Variants in ECHDC2 observed in about 807,000 individuals in gnomAD.
ECHDC2 encodes the protein enoyl-CoA hydratase domain-containing protein 2, mitochondrial.
In ECHDC2, 34 loss-of-function variants were observed where a neutral mutation model predicts 40.6. The ratio of observed to expected loss-of-function variants is 0.84; its 90% CI spans 0.64 to 1.11. ECHDC2 has a LOEUF of 1.11. Among genes scored for constraint, ECHDC2 ranks in the 50% most tolerant of loss-of-function variants. The pLI is 0.00. For missense variants in ECHDC2, 392 were observed against 400.7 expected, an observed-to-expected ratio of 0.98 and a Z score of 0.19; for synonymous variants, 162 against 166.6, an observed-to-expected ratio of 0.97 and a Z score of 0.21.
At chr1:52,907,804 T>G (rs1571953514) in intron 4 of ECHDC2, 64 bp downstream of exon 4, 1 of 1,361,590 alleles carries the variant, frequency 7.3e-7, no homozygotes, top group Non-Finnish European at 1.0e-6. Flanking sequence ...CTGGTGGGGG[T>G]AGCGGGACTG....
chr1:52,898,315 G>A (rs926636587), intron 8 of ECHDC2: 1 of 152,516 alleles, frequency 6.6e-6, no homozygotes, highest in Middle Eastern at 3.4e-3. Context: ...CCGCCTCCTG[G>A]GTTCAAGCGA....
At chr1:52,916,998 T>G (rs1419755052) in intron 1 of ECHDC2, among the ~76,000 whole-genome samples, 1 of 151,234 alleles carries the variant, frequency 6.6e-6, no homozygotes, top group South Asian at 2.1e-4. Context: ...CCGAGGCGGG[T>G]GGATCACCTG....
chr1:52,911,873 C>A, intron 1 of ECHDC2, 83 bp from the exon 2 acceptor site: 1 of 1,568,268 alleles, frequency 6.4e-7, no homozygotes, highest in Non-Finnish European at 8.6e-7. Flanking sequence ...AGGCAGGAGG[C>A]CTGGGATCTG....
chr1:52,911,084 C>A (rs976951499), intron 3 of ECHDC2, among the ~76,000 whole-genome samples: 1 of 152,170 alleles, frequency 6.6e-6, no homozygotes, highest in Admixed American at 6.5e-5. Flanking sequence ...TCAAGCAATT[C>A]TCCTGCCTCA....
Position 52,904,668 on chromosome 1 carries a change from A to G in ECHDC2, c.680T>C (p.Leu227Pro), listed in dbSNP as rs149630672. The G allele has an allele frequency of 4.6e-4, 746 of 1,605,736 alleles. 1 individual carries two copies. Among genetic ancestry groups the G allele is most frequent in the Non-Finnish European group, 5.8e-4 (679 of 1,176,458 alleles). Residue 227 changes from leucine (L) to proline (P), a missense_variant, in exon 7 of 10, where the codon CTG becomes CCG. Transcript: ENST00000371522. ...GDAAYQRARALAQEILPQAPI... is the reference protein window; with the variant it reads ...GDAAYQRARAPAQEILPQAPI... Reference sequence around the variant, plus strand: ...CACCTGGGGCAGGATCTCCTGGGCCAGTGCTCGTGCCCGCTGGTAGGCGGC... The same window carrying G: ...CACCTGGGGCAGGATCTCCTGGGCCGGTGCTCGTGCCCGCTGGTAGGCGGC...
chr1:52,907,898 G>A lies in ECHDC2; in HGVS notation c.334C>T (p.Gln112Ter). 1.9e-6 allele frequency: 3 copies of A among 1,613,876 alleles called. No individual in the cohort carries two copies. The highest frequency in any genetic ancestry group is 2.5e-6 in the Non-Finnish European group (3 of 1,179,974). The change falls in exon 4 of 10, where the codon CAG (glutamine) becomes TAG (stop). Residue 112 changes from glutamine to a stop codon, truncating the protein, a stop_gained. Coordinates refer to ENST00000371522, the MANE Select transcript of ECHDC2 (RefSeq NM_001198961.2). LOFTEE classifies it high-confidence loss of function. ...TCATTCATCAGGCCCCGGAGTCGCT[G>A]GACAAACACCCCCACCTCTGCTTCA... ...MSEAEVGVFV[Q>*]RLRGLMNDIA... is the part of the protein sequence containing the mutation.
intron 6 of ECHDC2, 64 bp from the exon 7 acceptor site, chr1:52,904,897 G>C: frequency 3.1e-6 from 5 of 1,596,340 alleles, no homozygotes; most frequent in Non-Finnish European, 2.6e-6. Context: ...AGAAGGCTCA[G>C]CCTGGGACTC....
Position 52,911,547 on chromosome 1 carries a change from G to A in ECHDC2, c.277+19C>T. ...GGGCACCCTGCAGAGCACAGATGGGGGCAGGAGAGAGAACCTACCTGCACA... is the reference window on the plus strand; with the variant it reads ...GGGCACCCTGCAGAGCACAGATGGGAGCAGGAGAGAGAACCTACCTGCACA... On this transcript the variant is annotated intron_variant, in intron 3 of 9. Transcript: ENST00000371522. 6.2e-7 allele frequency: 1 copy of A among 1,609,094 alleles called. No homozygotes were observed. Among genetic ancestry groups the A allele is most frequent in the Non-Finnish European group, 8.5e-7 (1 of 1,176,892 alleles).
chr1:52,905,065 A>G lies in ECHDC2; in HGVS notation c.483T>C (p.Ile161=). 1 of 1,614,094 alleles carries G rather than the reference A, an allele frequency of 6.2e-7. No homozygotes were observed. The change falls in exon 6 of 10, where the codon ATT becomes ATC. Residue 161 remains isoleucine, a synonymous_variant. Transcript: ENST00000371522. The stretch of plus-strand genomic sequence containing the variant: ...CCGGGAGGAGCCCTCGCGTGGTCTC[A>G]ATCAGTCCCATGACTGCCGAGGAAG... The part of the protein sequence containing the change: ...VAASSAVMGL[I]ETTRGLLPGA...
chr1:52,910,686 G>A (rs1348728736), intron 3 of ECHDC2, among the ~76,000 whole-genome samples: 2 of 152,114 alleles, frequency 1.3e-5, no homozygotes, highest in Non-Finnish European at 2.9e-5. Flanking sequence ...TCTAAAATAT[G>A]TAAGTAATAA....
intron 1 of ECHDC2, among the ~76,000 whole-genome samples, chr1:52,918,707 A>T (rs557336795): frequency 2.0e-5 from 3 of 152,372 alleles, no homozygotes; most frequent in Non-Finnish European, 4.4e-5. Context: ...AAAAAATTAA[A>T]AAGTTTATAA....
rs1646621181 is a variant in ECHDC2, at chr1:52,895,927, T to C, written c.*593A>G. 6.5e-6 allele frequency: 1 copy of C among 152,720 alleles called. No individual in the cohort carries two copies. The allele number at this position is 152,720 out of a possible 1,614,324, so 9.5% of individuals were successfully genotyped here. On this transcript the variant is annotated 3_prime_UTR_variant, in exon 10 of 10. Transcript: ENST00000371522. The stretch of plus-strand genomic sequence containing the variant: ...ACTGTAAGTTAACAATTAAAACATA[T>C]TTATTGAATATGAAGTGTTTTTATT...
rs552430354 is a variant in ECHDC2, at chr1:52,899,074, C to G, written c.753+100G>C. The stretch of plus-strand genomic sequence containing the variant: ...TCAAGTCTGTTAGAAGAGTCCACTT[C>G]CTGAGTTTTTCCCAGCTGTGCTGTC... On this transcript the variant is annotated intron_variant, in intron 8 of 9. Transcript: ENST00000371522. 160 of 1,239,730 alleles carry G rather than the reference C, an allele frequency of 1.3e-4. 2 individuals are homozygous for G. The African/African-American group carries it at 2.1e-3, about 16-fold the overall frequency. The allele number at this position is 1,239,730 out of a possible 1,614,324, so 76.8% of individuals were successfully genotyped here.
At chr1:52,917,005 CCT>C (rs1473214088) in intron 1 of ECHDC2, among the ~76,000 whole-genome samples, 2 of 151,772 alleles carry the variant, frequency 1.3e-5, no homozygotes, top group Admixed American at 1.3e-4. Context: ...GGGTGGATCA[CCT>C]GAGTCAGGAG....
rs565422527 is a variant in ECHDC2 at position 52,904,554 on chromosome 1, A to C, written c.702+92T>G. On this transcript the variant is annotated intron_variant, in intron 7 of 9. Coordinates refer to ENST00000371522, the MANE Select transcript of ECHDC2 (RefSeq NM_001198961.2). The stretch of plus-strand genomic sequence containing the variant: ...AGAGGGTTAATCATATGTCTCTGGG[A>C]GAATGGATGTGCAGCCCAAGGGGAC... The C allele has an allele frequency of 2.4e-5, 28 of 1,167,966 alleles. No homozygotes were observed. In the South Asian group the frequency reaches 4.1e-4, roughly 17 times the overall value. The allele number at this position is 1,167,966 out of a possible 1,614,324, so 72.4% of individuals were successfully genotyped here. A position where few individuals can be genotyped will look rare whatever the true frequency, so the allele number is the denominator to read the frequency against.
chr1:52,905,439 AG>A (rs1647533625), intron 5 of ECHDC2: 2 of 312,652 alleles, frequency 6.4e-6, no homozygotes, highest in Non-Finnish European at 1.2e-5. Context: ...GAGAGTTCCT[AG>A]GAGGTGCCCC....
At chr1:52,908,954 A>AT (rs1648681725) in intron 3 of ECHDC2, among the ~76,000 whole-genome samples, 4 of 149,790 alleles carry the variant, frequency 2.7e-5, no homozygotes, top group Admixed American at 2.7e-4. Flanking sequence ...AAAAAAAAAA[A>AT]GGAAAAAGGA....
chr1:52,921,424 G>T (rs1015063353), intron 1 of ECHDC2, 129 bp downstream of exon 1: 2 of 1,431,448 alleles, frequency 1.4e-6, no homozygotes, highest in Non-Finnish European at 1.8e-6. Context: ...GGTTTGGGGC[G>T]CCTAGAACTG....
At chr1:52,904,578 A>T in intron 7 of ECHDC2, 68 bp downstream of exon 7, 1 of 1,387,702 alleles carries the variant, frequency 7.2e-7, no homozygotes, top group Non-Finnish European at 9.6e-7. Context: ...GCCCAAGGGG[A>T]CACCCTGCCC....
Sources: gnomAD v4.1 joint callset for allele counts (sites outside exome capture counted in the v4.1 genomes callset) on GRCh38, gnomAD v4.1.1 for gene constraint, MANE v1.5 for transcripts, NCBI Gene and HGNC (gene_info 2026-07-23, HGNC 2026-07-21) for gene names.